Variants in EFNA5 observed in about 807,000 individuals in gnomAD.
EFNA5 encodes ephrin A5.
In EFNA5, 5 loss-of-function variants were observed where a neutral mutation model predicts 22.9. The ratio of observed to expected loss-of-function variants is 0.22; its 90% CI spans 0.11 to 0.46. The LOEUF (loss-of-function observed/expected upper bound fraction) is 0.46. EFNA5 is among the 20% of genes least tolerant of loss of function. The probability of loss-of-function intolerance (pLI) is 0.99; values close to 1 mark genes in which losing one functional copy is unlikely to be tolerated. For synonymous variants in EFNA5, 113 were observed against 112.2 expected (o/e 1.01, Z -0.04); for missense variants, 237 against 293.3 (o/e 0.81, Z 1.40).
intron 1 of EFNA5, among the ~76,000 whole-genome samples, chr5:107,427,957 G>T (rs533018562): frequency 2.0e-5 from 3 of 152,068 alleles, no homozygotes; most frequent in South Asian, 4.2e-4. Flanking sequence ...ATAAATGACC[G>T]AATTGTTTTT....
At chr5:107,616,971 G>A (rs1749930040) in intron 1 of EFNA5, among the ~76,000 whole-genome samples, 1 of 152,010 alleles carries the variant, frequency 6.6e-6, no homozygotes, top group African/African-American at 2.4e-5. Flanking sequence ...TGATTGTTAT[G>A]TCTAAGGGCA....
intron 1 of EFNA5, among the ~76,000 whole-genome samples, chr5:107,553,414 G>A (rs370865434): frequency 6.6e-6 from 1 of 152,226 alleles, no homozygotes; most frequent in Non-Finnish European, 1.5e-5. Context: ...TGCTTTCAAA[G>A]CTTGGTGAGA....
chr5:107,512,255 C>T (rs1286981941), intron 1 of EFNA5, among the ~76,000 whole-genome samples: 1 of 152,144 alleles, frequency 6.6e-6, no homozygotes, highest in Non-Finnish European at 1.5e-5. Context: ...TCAATCCTGG[C>T]TCAGTGGTTA....
In EFNA5 at chr5:107,569,531, TTA is replaced by T. The variant is rs1163972447; in HGVS notation, c.125+100956_125+100957del. Among the ~76,000 whole-genome samples the T allele has an allele frequency of 1.1e-3, 129 of 121,604 alleles. 1 individual carries two copies. The highest frequency in any genetic ancestry group is 1.8e-3 in the African/African-American group (58 of 32,358). The allele number at this position is 121,604 out of a possible 152,430, so 79.8% of individuals were successfully genotyped here. A position where few individuals can be genotyped will look rare whatever the true frequency, so the allele number is the denominator to read the frequency against. ...TATTTATATATGTGTGTATATATAT[TTA>T]TATATATATGTGTGTATATATATAT... On this transcript the variant is annotated intron_variant, in intron 1 of 4. Coordinates refer to ENST00000333274, the MANE Select transcript of EFNA5 (RefSeq NM_001962.3).
At chr5:107,453,762 G>A (rs1470087054) in intron 1 of EFNA5, among the ~76,000 whole-genome samples, 1 of 152,134 alleles carries the variant, frequency 6.6e-6, no homozygotes, top group Non-Finnish European at 1.5e-5. Context: ...AGCGGAGGAG[G>A]TATTATTGAA....
chr5:107,563,990 T>C (rs1748607453), intron 1 of EFNA5, among the ~76,000 whole-genome samples: 1 of 152,194 alleles, frequency 6.6e-6, no homozygotes, highest in Admixed American at 6.5e-5. Context: ...GGGACTACTA[T>C]TTGCCTCCAT....
chr5:107,408,630 A>T (rs1748282703), intron 2 of EFNA5, among the ~76,000 whole-genome samples: 1 of 152,224 alleles, frequency 6.6e-6, no homozygotes, highest in South Asian at 2.1e-4. Context: ...AATAAAAAAC[A>T]GAATTTTACT....
At position 107,626,807 on chromosome 5, in the gene EFNA5, G is replaced by A. The variant is rs539937538; in HGVS notation, c.125+43682C>T. Among the ~76,000 whole-genome samples the A allele has an allele frequency of 1.2e-3, 188 of 152,148 alleles. 1 individual carries two copies. The highest frequency in any genetic ancestry group is 6.8e-3 in the South Asian group (33 of 4,818). ...TTGGTTTTGATTTTTTTTAACTTAA[G>A]TGAAAAGTATTTCTTTCTTATCAGC... On this transcript the variant is annotated intron_variant, in intron 1 of 4. Coordinates refer to ENST00000333274, the MANE Select transcript of EFNA5 (RefSeq NM_001962.3).
chr5:107,635,991 T>A (rs1299950923), intron 1 of EFNA5, among the ~76,000 whole-genome samples: 1 of 152,206 alleles, frequency 6.6e-6, no homozygotes, highest in Non-Finnish European at 1.5e-5. Context: ...TCCTTTCTTA[T>A]CCTTTTTATG....
At chr5:107,408,851 A>G (rs1015236767) in intron 2 of EFNA5, among the ~76,000 whole-genome samples, 3 of 152,212 alleles carry the variant, frequency 2.0e-5, no homozygotes, top group South Asian at 2.1e-4. Flanking sequence ...CTACAATAAG[A>G]AAGAAGATAT....
At chr5:107,513,753 C>T (rs1200783231) in intron 1 of EFNA5, among the ~76,000 whole-genome samples, 1 of 152,156 alleles carries the variant, frequency 6.6e-6, no homozygotes, top group Non-Finnish European at 1.5e-5. Flanking sequence ...AGGCTCTTCA[C>T]TGAGATACTG....
chr5:107,557,819 T>C (rs1299224044), intron 1 of EFNA5, among the ~76,000 whole-genome samples: 1 of 152,190 alleles, frequency 6.6e-6, no homozygotes, highest in African/African-American at 2.4e-5. Flanking sequence ...ATAATCTAAA[T>C]AGTTGGCCTC....
chr5:107,559,070 T>C (rs901548258), intron 1 of EFNA5, among the ~76,000 whole-genome samples: 9 of 152,218 alleles, frequency 5.9e-5, no homozygotes, highest in African/African-American at 2.2e-4. Context: ...GATAATCTTA[T>C]GTTTCAGGGA....
intron 1 of EFNA5, among the ~76,000 whole-genome samples, chr5:107,534,467 A>G (rs1026103697): frequency 2.0e-5 from 3 of 152,234 alleles, no homozygotes; most frequent in African/African-American, 7.2e-5. Flanking sequence ...CTTTAAATAC[A>G]TAATACTAGT....
At chr5:107,424,198 ATTTTTTTTTTTTT>A (rs70996959) in intron 2 of EFNA5, among the ~76,000 whole-genome samples, 1 of 95,706 alleles carries the variant, frequency 1.0e-5, no homozygotes, top group South Asian at 3.0e-4. Context: ...TCTTTCTTTC[ATTTTTTTTTTTTT>A]TTTTTTTTTT....
At chr5:107,654,231 TA>T (rs1750783885) in intron 1 of EFNA5, among the ~76,000 whole-genome samples, 1 of 152,124 alleles carries the variant, frequency 6.6e-6, no homozygotes, top group South Asian at 2.1e-4. Context: ...TTAGAGCCAA[TA>T]AAGCTTCCCT....
Position 107,670,573 on chromosome 5 carries a change from A to G in EFNA5, c.41T>C (p.Leu14Pro), listed in dbSNP as rs375348285. ...GTCCTGGCTGAACACACACATCCAG[A>G]GCACCAGAAACACCAGCGTCAACAT... ...VEMLTLVFLV[L>P]WMCVFSQDPG... Residue 14 changes from leucine (L) to proline (P), a missense_variant, in exon 1 of 5, where the codon CTC (leucine) becomes CCC (proline). By Grantham distance (98) the Leu-to-Pro change is moderately conservative (BLOSUM62 -3). Around this residue, in one of 3 missense-constraint regions of EFNA5, gnomAD observed 120 missense variants for 140.5 expected, o/e 0.85. Transcript: ENST00000333274. 6 of 1,602,378 alleles carry G rather than the reference A, an allele frequency of 3.7e-6. No homozygotes were observed. In the African/African-American group the frequency reaches 5.4e-5, roughly 14 times the overall value.
rs1751549969 is a variant in EFNA5, at chr5:107,670,651, C to A, written c.-38G>T. 1 of 1,591,048 alleles carries A rather than the reference C, an allele frequency of 6.3e-7. No homozygotes were observed. The highest frequency in any genetic ancestry group is 8.6e-7 in the Non-Finnish European group (1 of 1,169,578). ...GCGGCGGAGCCCCCGACGCGCCACT[C>A]CGGGGAGAGAGCGGGGATCCGGAGG... On this transcript the variant is annotated 5_prime_UTR_variant, in exon 1 of 5. Transcript: ENST00000333274.
chr5:107,489,177 ATTTG>A (rs1299198973), intron 1 of EFNA5, among the ~76,000 whole-genome samples: 3 of 152,020 alleles, frequency 2.0e-5, no homozygotes, highest in Admixed American at 6.6e-5. Flanking sequence ...ACCAGACAAA[ATTTG>A]TTTGTTTATT....
Sources: gnomAD v4.1 joint callset for allele counts (sites outside exome capture counted in the v4.1 genomes callset) on GRCh38, gnomAD v4.1.1 for gene constraint, gnomAD v4.1.1 regional missense constraint, MANE v1.5 for transcripts, NCBI Gene and HGNC (gene_info 2026-07-23, HGNC 2026-07-21) for gene names.